NBEA: variants seen among roughly 807,000 people sequenced by gnomAD.
NBEA encodes the protein lysosomal-trafficking regulator 2.
Under a neutral mutation model 343.4 loss-of-function variants are expected in NBEA, and 44 were observed. The ratio of observed to expected loss-of-function variants is 0.13; its 90% CI spans 0.10 to 0.16. NBEA has a LOEUF of 0.16. Among genes scored for constraint, NBEA ranks in the 10% least tolerant of loss-of-function variants. NBEA has a pLI of 1.00. For missense variants in NBEA, 2,555 were observed against 3,631.3 expected (o/e 0.70, Z 7.62); for synonymous variants, 1,175 against 1,238.7 (o/e 0.95, Z 1.08).
At chr13:35,458,137 G>T (rs2046684956) in intron 40 of NBEA, among the ~76,000 whole-genome samples, 1 of 152,172 alleles carries the variant, frequency 6.6e-6, no homozygotes, top group South Asian at 2.1e-4. Flanking sequence ...TTAACTTTTA[G>T]ACTATTTACC....
At chr13:35,581,588 A>G (rs1333269211) in intron 45 of NBEA, among the ~76,000 whole-genome samples, 1 of 151,986 alleles carries the variant, frequency 6.6e-6, no homozygotes, top group African/African-American at 2.4e-5. Flanking sequence ...TTGTAGGGAC[A>G]TGGATGAAAT....
At chr13:35,073,319 C>G (rs2063959035) in intron 10 of NBEA, among the ~76,000 whole-genome samples, 1 of 152,032 alleles carries the variant, frequency 6.6e-6, no homozygotes, top group Non-Finnish European at 1.5e-5. Context: ...TAAGGATAAT[C>G]AATTTGAAGT....
chr13:35,444,286 C>A (rs1189029394), intron 39 of NBEA, among the ~76,000 whole-genome samples: 2 of 151,686 alleles, frequency 1.3e-5, no homozygotes, highest in African/African-American at 4.8e-5. Flanking sequence ...AAATCTTTTT[C>A]CTTTTAGTGG....
At chr13:35,452,343 C>A in intron 40 of NBEA, 108 bp downstream of exon 40, 1 of 771,050 alleles carries the variant, frequency 1.3e-6, no homozygotes, top group Non-Finnish European at 2.1e-6. Flanking sequence ...TGTAACAATG[C>A]TCAATCACAT....
chr13:35,545,114 A>G (rs2079006476), intron 41 of NBEA, among the ~76,000 whole-genome samples: 1 of 152,194 alleles, frequency 6.6e-6, no homozygotes, highest in Admixed American at 6.5e-5. Flanking sequence ...AAATTATGTA[A>G]CCAGTAAAGG....
At chr13:35,104,830 C>T (rs1389328225) in intron 11 of NBEA, among the ~76,000 whole-genome samples, 1 of 151,768 alleles carries the variant, frequency 6.6e-6, no homozygotes, top group African/African-American at 2.4e-5. Context: ...TAGAGGTTAT[C>T]CAGCGTATTC....
intron 13 of NBEA, among the ~76,000 whole-genome samples, chr13:35,114,359 C>G (rs1227993698): frequency 6.6e-6 from 1 of 152,032 alleles, no homozygotes; most frequent in African/African-American, 2.4e-5. Flanking sequence ...CTCCTATTGT[C>G]TTTAATATAT....
intron 35 of NBEA, among the ~76,000 whole-genome samples, chr13:35,304,673 C>A (rs914800412): frequency 1.9e-4 from 29 of 152,116 alleles, no homozygotes; most frequent in African/African-American, 6.0e-4. Flanking sequence ...TGTTACCCTG[C>A]TTTCAGTACA....
intron 10 of NBEA, among the ~76,000 whole-genome samples, chr13:35,080,131 A>G (rs538617776): frequency 2.0e-4 from 31 of 152,226 alleles, no homozygotes; most frequent in African/African-American, 7.2e-4. Flanking sequence ...GGCACCTTCA[A>G]ATTATTTTGT....
At chr13:35,336,581 C>CTT (rs376902452) in intron 36 of NBEA, among the ~76,000 whole-genome samples, 17,434 of 151,972 alleles carry the variant, frequency 0.11, 1,208 homozygotes, top group East Asian at 0.22. Context: ...TGCAAATGTT[C>CTT]ACTGCAGCAT....
At chr13:35,200,302 A>G (rs1361206767) in intron 31 of NBEA, among the ~76,000 whole-genome samples, 1 of 151,888 alleles carries the variant, frequency 6.6e-6, no homozygotes, top group Non-Finnish European at 1.5e-5. Context: ...AAAGCCACCA[A>G]TTAACCTTTT....
chr13:34,950,759 A>C (rs974819682), intron 1 of NBEA, among the ~76,000 whole-genome samples: 2 of 152,158 alleles, frequency 1.3e-5, no homozygotes, highest in Admixed American at 1.3e-4. Flanking sequence ...AAATAAGAAC[A>C]TAAGGCAACA....
chr13:34,998,504 A>G (rs2061013344), intron 1 of NBEA, among the ~76,000 whole-genome samples: 1 of 152,164 alleles, frequency 6.6e-6, no homozygotes, highest in Non-Finnish European at 1.5e-5. Context: ...CTAAGACCGT[A>G]AGAGACAGCT....
chr13:35,104,925 G>T (rs2065841404), intron 11 of NBEA, among the ~76,000 whole-genome samples: 1 of 151,964 alleles, frequency 6.6e-6, no homozygotes, highest in African/African-American at 2.4e-5. Flanking sequence ...TGATGTAACT[G>T]AAAGCCTAGT....
intron 38 of NBEA, among the ~76,000 whole-genome samples, chr13:35,427,242 T>G (rs2044747082): frequency 6.6e-6 from 1 of 152,124 alleles, no homozygotes; most frequent in South Asian, 2.1e-4. Flanking sequence ...TTCTGCTCTG[T>G]TTTTTCCCCA....
intron 38 of NBEA, among the ~76,000 whole-genome samples, chr13:35,396,586 T>C (rs989307860): frequency 6.6e-6 from 1 of 152,142 alleles, no homozygotes; most frequent in African/African-American, 2.4e-5. Flanking sequence ...GACAGGGTCT[T>C]AGTCACCTTG....
intron 38 of NBEA, among the ~76,000 whole-genome samples, chr13:35,420,636 A>G (rs1018448484): frequency 6.6e-6 from 1 of 152,026 alleles, no homozygotes; most frequent in African/African-American, 2.4e-5. Flanking sequence ...GAAACTATCT[A>G]GGCCTGGAGA....
intron 38 of NBEA, among the ~76,000 whole-genome samples, chr13:35,401,040 A>C (rs963172497): frequency 6.6e-6 from 1 of 151,934 alleles, no homozygotes; most frequent in Non-Finnish European, 1.5e-5. Context: ...TGTGCCCTCA[A>C]AGCACTTTAT....
intron 47 of NBEA, 58 bp downstream of exon 47, chr13:35,593,505 T>C (rs1246496972): frequency 2.1e-6 from 3 of 1,446,272 alleles, no homozygotes; most frequent in Non-Finnish European, 2.8e-6. Context: ...AAATTTTGAT[T>C]TTTTTAAGTG....
Sources: allele counts gnomAD v4.1 joint callset (sites outside exome capture counted in the v4.1 genomes callset), GRCh38; gene constraint gnomAD v4.1.1; transcripts MANE v1.5; gene names NCBI Gene and HGNC (gene_info 2026-07-23, HGNC 2026-07-21).